DYRK1A: variants seen among roughly 807,000 people sequenced by gnomAD.
The protein encoded by DYRK1A is dual specificity tyrosine-phosphorylation-regulated kinase 1A.
A neutral mutation model predicts 79.7 loss-of-function variants in DYRK1A; 9 were observed. The ratio of observed to expected loss-of-function variants is 0.11; its 90% confidence interval spans 0.07 to 0.20. The LOEUF (loss-of-function observed/expected upper bound fraction) is 0.20, where lower values mean the gene tolerates loss of function less well. Among genes scored for constraint, DYRK1A ranks in the 10% least tolerant of loss-of-function variants. DYRK1A has a pLI of 1.00. For synonymous variants in DYRK1A, 349 were observed against 329.7 expected (o/e 1.06, Z -0.63); for missense variants, 622 against 956.0 (o/e 0.65, Z 4.61).
intron 1 of DYRK1A, among the ~76,000 whole-genome samples, chr21:37,375,573 T>C (rs1333054808): frequency 7.2e-6 from 1 of 138,198 alleles, no homozygotes; most frequent in African/African-American, 2.7e-5. Context: ...TCACCCAGGC[T>C]GGAGTGCAGT....
chr21:37,502,571 A>C (rs1438990737), intron 9 of DYRK1A: 1 of 152,224 alleles, frequency 6.6e-6, no homozygotes, highest in Non-Finnish European at 1.5e-5. Context: ...TGCATGTTAT[A>C]AACCTCACAA....
In DYRK1A at chr21:37,454,085, C is replaced by CTTT. The variant is rs571859735; in HGVS notation, c.11-18576_11-18574dup. ...CTTTCATATTATGAGATGTAGTCTCCTTTTTTTTTTTTTTTTTTTTTTTTT... is the reference window on the plus strand; with the variant it reads ...CTTTCATATTATGAGATGTAGTCTCCTTTTTTTTTTTTTTTTTTTTTTTTTTTT... On this transcript the variant is annotated intron_variant, in intron 2 of 11. Transcript: ENST00000647188. Among the ~76,000 whole-genome samples, 587 of 59,610 alleles carry CTTT rather than the reference C, an allele frequency of 9.8e-3. 69 individuals carry two copies. Among genetic ancestry groups the CTTT allele is most frequent in the African/African-American group, 0.035 (517 of 14,956 alleles). 39.1% of individuals were successfully genotyped at this position (59,610 alleles called of 152,430 possible).
chr21:37,368,697 T>C (rs956967414), intron 1 of DYRK1A, among the ~76,000 whole-genome samples: 5 of 152,010 alleles, frequency 3.3e-5, no homozygotes, highest in Admixed American at 2.6e-4. Context: ...GGAGAGTGAG[T>C]CTGGAGAGGG....
chr21:37,510,833 A>G (rs1294377911), intron 11 of DYRK1A, among the ~76,000 whole-genome samples: 2 of 151,790 alleles, frequency 1.3e-5, no homozygotes, highest in Admixed American at 6.6e-5. Context: ...TTCACATTCC[A>G]TTGACAGCTT....
intron 8 of DYRK1A, among the ~76,000 whole-genome samples, chr21:37,495,013 T>A (rs1195769033): frequency 3.3e-5 from 5 of 152,050 alleles, no homozygotes; most frequent in South Asian, 2.1e-4. Flanking sequence ...AACATAAACT[T>A]CTTTTTGGCA....
rs115392862 is a variant in DYRK1A, at chr21:37,453,134, G to A, written c.11-19550G>A. Among the ~76,000 whole-genome samples the A allele has an allele frequency of 4.7e-3, 720 of 152,012 alleles. 5 individuals carry two copies. Among genetic ancestry groups the A allele is most frequent in the African/African-American group, 0.016 (662 of 41,460 alleles). ...CTCTTTAAAAAGAAAAAAGTACAAA[G>A]CAACAGTAAAATTAAACTTAAATAT... On this transcript the variant is annotated intron_variant, in intron 2 of 11. Transcript: ENST00000647188.
At chr21:37,457,013 T>TTTACTTACTTACTTACTTAC (rs149046084) in intron 2 of DYRK1A, among the ~76,000 whole-genome samples, 37 of 141,282 alleles carry the variant, frequency 2.6e-4, no homozygotes, top group East Asian at 1.3e-3. Context: ...AAAAAGAAAA[T>TTTACTTACTTACTTACTTAC]TTACTTACTT....
chr21:37,488,636 A>G (rs1395639759), intron 6 of DYRK1A: 11 of 985,286 alleles, frequency 1.1e-5, no homozygotes, highest in Middle Eastern at 5.2e-4. Context: ...TTCTTTGACA[A>G]TGTCTTTAGT....
Position 37,520,615 on chromosome 21 carries a change from A to G in DYRK1A, c.*8084A>G, listed in dbSNP as rs1469724618. On this transcript the variant is annotated 3_prime_UTR_variant, in exon 12 of 12. Coordinates refer to ENST00000647188, the MANE Select transcript of DYRK1A (RefSeq NM_001347721.2). ...TGATTTGCATTACAATGGGCCGTGGATTTGGATGGATGATGAAGCTGAAAC... is the reference window on the plus strand; with the variant it reads ...TGATTTGCATTACAATGGGCCGTGGGTTTGGATGGATGATGAAGCTGAAAC... 1.3e-5 allele frequency: 2 copies of G among 152,148 alleles called. No individual in the cohort carries two copies. The highest frequency in any genetic ancestry group is 2.9e-5 in the Non-Finnish European group (2 of 68,034). 9.4% of individuals were successfully genotyped at this position (152,148 alleles called of 1,614,324 possible).
At chr21:37,396,797 A>G (rs993757599) in intron 1 of DYRK1A, among the ~76,000 whole-genome samples, 2 of 152,192 alleles carry the variant, frequency 1.3e-5, no homozygotes, top group Non-Finnish European at 1.5e-5. Flanking sequence ...TGTAGTTGTG[A>G]GAAGGAATTA....
chr21:37,490,921 C>G (rs971063695), intron 7 of DYRK1A, among the ~76,000 whole-genome samples: 3 of 151,938 alleles, frequency 2.0e-5, no homozygotes, highest in Admixed American at 6.6e-5. Flanking sequence ...TTGGGACTTT[C>G]CAGTACTAGA....
chr21:37,490,505 A>G (rs1470524708), intron 7 of DYRK1A, 44 bp downstream of exon 7: 2 of 1,570,544 alleles, frequency 1.3e-6, no homozygotes, highest in East Asian at 4.5e-5. Flanking sequence ...GAAATTAAAT[A>G]GAAGTAGGTA....
chr21:37,473,103 T>G (rs2052285592), intron 3 of DYRK1A, among the ~76,000 whole-genome samples: 1 of 152,176 alleles, frequency 6.6e-6, no homozygotes. Context: ...AGTCTCTCAT[T>G]CTGTAATAGA....
chr21:37,513,642 A>C lies in DYRK1A; in HGVS notation c.*1111A>C, dbSNP rs1464455923. 6.6e-6 allele frequency: 1 copy of C among 152,402 alleles called. No individual in the cohort carries two copies. Among genetic ancestry groups the C allele is most frequent in the East Asian group, 1.9e-4 (1 of 5,186 alleles). 9.4% of individuals were successfully genotyped at this position (152,402 alleles called of 1,614,324 possible). A position where few individuals can be genotyped will look rare whatever the true frequency, so the allele number is the denominator to read the frequency against. On this transcript the variant is annotated 3_prime_UTR_variant, in exon 12 of 12. Transcript: ENST00000647188. ...ACAGCTGTGTCCCTTCCTGCTTTTT[A>C]CTTTTTCTTTTGCTTTTTCTCGGCA... is the stretch of plus-strand genomic sequence containing the variant.
chr21:37,500,701 A>G (rs936850390), intron 9 of DYRK1A, among the ~76,000 whole-genome samples: 4 of 152,132 alleles, frequency 2.6e-5, no homozygotes, highest in Admixed American at 2.0e-4. Flanking sequence ...TGTATCTTTC[A>G]AGAAACTTTT....
chr21:37,383,832 G>GGTGTGTGTGTGT (rs534518893), intron 1 of DYRK1A, among the ~76,000 whole-genome samples: 1 of 115,480 alleles, frequency 8.7e-6, no homozygotes, highest in African/African-American at 4.1e-5. Context: ...GATAGGTAAT[G>GGTGTGTGTGTGT]GTGTATGTGT....
intron 2 of DYRK1A, among the ~76,000 whole-genome samples, chr21:37,460,388 G>C (rs147157739): frequency 6.6e-6 from 1 of 152,090 alleles, no homozygotes; most frequent in South Asian, 2.1e-4. Flanking sequence ...CAAAAGGGGT[G>C]GGGGAGTCTT....
At chr21:37,449,590 T>C (rs555221526) in intron 2 of DYRK1A, among the ~76,000 whole-genome samples, 2 of 152,288 alleles carry the variant, frequency 1.3e-5, no homozygotes, top group South Asian at 4.1e-4. Flanking sequence ...AGGCTGGAAA[T>C]GTAGTCTAGT....
intron 1 of DYRK1A, among the ~76,000 whole-genome samples, chr21:37,390,883 C>T (rs1307530229): frequency 6.6e-6 from 1 of 152,144 alleles, no homozygotes; most frequent in Admixed American, 6.5e-5. Context: ...TACTGTTTTT[C>T]AACTGTCCTG....
Sources: gnomAD v4.1 joint callset for allele counts (sites outside exome capture counted in the v4.1 genomes callset) on GRCh38, gnomAD v4.1.1 for gene constraint, MANE v1.5 for transcripts, NCBI Gene and HGNC (gene_info 2026-07-23, HGNC 2026-07-21) for gene names.